NDC1: variants seen among roughly 807,000 people sequenced by gnomAD.
NDC1 encodes the protein NDC1 transmembrane nucleoporin, also known as nucleoporin NDC1.
A neutral mutation model predicts 89.8 loss-of-function variants in NDC1; 24 were observed. That is an observed-to-expected ratio of 0.27 (90% CI 0.19 to 0.38). NDC1 has a LOEUF of 0.38. Ranked by LOEUF, NDC1 falls within the 10% of genes least tolerant of loss-of-function variation. The probability of loss-of-function intolerance (pLI) is 1.00; values close to 1 mark genes in which losing one functional copy is unlikely to be tolerated. For missense variants in NDC1, 728 were observed against 797.6 expected (o/e 0.91, Z 1.05); for synonymous variants, 296 against 284.8 (o/e 1.04, Z -0.39).
At chr1:53,815,118 C>T (rs374942982) in intron 6 of NDC1, among the ~76,000 whole-genome samples, 2 of 152,124 alleles carry the variant, frequency 1.3e-5, no homozygotes, top group Admixed American at 6.6e-5. Context: ...CAGCATCACC[C>T]TAATACCAAA....
rs559394807 is a variant in NDC1 at position 53,767,232 on chromosome 1, C to T, written c.*738G>A. 5.9e-5 allele frequency: 9 copies of T among 152,158 alleles called. No homozygotes were observed. In the South Asian group the frequency reaches 6.2e-4, roughly 11 times the overall value. The allele number at this position is 152,158 out of a possible 1,614,324, so 9.4% of individuals were successfully genotyped here. ...AAAACTAGCTGGGAAAATACCCATA[C>T]ATTAATACTTCGTGTTTACTAGCAT... On this transcript the variant is annotated 3_prime_UTR_variant, in exon 18 of 18. Transcript: ENST00000371429.
At chr1:53,781,638 C>A (rs1647208273) in intron 16 of NDC1, among the ~76,000 whole-genome samples, 1 of 152,208 alleles carries the variant, frequency 6.6e-6, no homozygotes. Flanking sequence ...CAGTTCCACA[C>A]AATTGTTCCT....
intron 1 of NDC1, among the ~76,000 whole-genome samples, chr1:53,836,761 C>T (rs1649247668): frequency 6.6e-6 from 1 of 151,424 alleles, no homozygotes; most frequent in Non-Finnish European, 1.5e-5. Context: ...TGAGCCACAG[C>T]GCCCAGCCTC....
In NDC1 at chr1:53,797,161, C is replaced by A; in HGVS notation, c.1223-17G>T. 1 of 1,611,568 alleles carries A rather than the reference C, an allele frequency of 6.2e-7. No individual in the cohort carries two copies. Among genetic ancestry groups the A allele is most frequent in the Non-Finnish European group, 8.5e-7 (1 of 1,178,242 alleles). ...CAGTTTCTTCTGTAAAACAACAGAT[C>A]CAGTGCTGAAGAGGCAACCTGATCC... is the stretch of plus-strand genomic sequence containing the variant. On this transcript the variant is annotated splice_polypyrimidine_tract_variant and intron_variant, in intron 11 of 17. Transcript: ENST00000371429.
At chr1:53,804,952 T>A (rs779255149) in intron 9 of NDC1, among the ~76,000 whole-genome samples, 2 of 152,198 alleles carry the variant, frequency 1.3e-5, no homozygotes, top group Non-Finnish European at 2.9e-5. Context: ...CGTCTGTATT[T>A]TCTACTAGGC....
intron 17 of NDC1, among the ~76,000 whole-genome samples, chr1:53,771,563 G>A (rs568929045): frequency 2.2e-4 from 34 of 152,230 alleles, no homozygotes; most frequent in African/African-American, 6.5e-4. Context: ...CTAAACACAT[G>A]TAGTTATTAA....
intron 3 of NDC1, among the ~76,000 whole-genome samples, chr1:53,828,740 T>C (rs1648958843): frequency 6.6e-6 from 1 of 152,116 alleles, no homozygotes; most frequent in Non-Finnish European, 1.5e-5. Context: ...GCCTCCCAAG[T>C]AGCTGGGATT....
intron 16 of NDC1, among the ~76,000 whole-genome samples, chr1:53,772,726 C>CATAACATAACAA (rs1294501716): frequency 6.7e-6 from 1 of 149,660 alleles, no homozygotes; most frequent in African/African-American, 2.5e-5. Context: ...CATAACAAAA[C>CATAACATAACAA]AAAACAAACA....
intron 16 of NDC1, among the ~76,000 whole-genome samples, chr1:53,781,108 A>G (rs745979278): frequency 2.4e-4 from 36 of 152,080 alleles, no homozygotes; most frequent in Non-Finnish European, 4.0e-4. Flanking sequence ...CTCCTGCCTC[A>G]GCCTCTCAAA....
intron 4 of NDC1, among the ~76,000 whole-genome samples, chr1:53,827,146 C>T (rs908085512): frequency 6.6e-6 from 1 of 151,884 alleles, no homozygotes; most frequent in Non-Finnish European, 1.5e-5. Flanking sequence ...AAAAAACAAC[C>T]TGCCTTATAT....
chr1:53,811,624 G>T (rs1355210364), intron 6 of NDC1, among the ~76,000 whole-genome samples: 1 of 151,884 alleles, frequency 6.6e-6, no homozygotes, highest in Non-Finnish European at 1.5e-5. Flanking sequence ...ACTGACCCAG[G>T]AGAGTCTGAG....
At position 53,835,583 on chromosome 1, in the gene NDC1, G is replaced by C; in HGVS notation, c.95C>G (p.Ser32Ter). The change falls in exon 2 of 18, where the codon TCA becomes TGA. Residue 32 changes from serine (S) to a stop codon, truncating the protein, a stop_gained. Coordinates refer to ENST00000371429, the MANE Select transcript of NDC1 (RefSeq NM_018087.5). LOFTEE classifies it high-confidence loss of function. ...GWRIVASIVW[S>*]VLFLPICTTV... ...GGTGCAGATGGGTAGAAATAGCACT[G>C]ACCAAACAATACTTGCAACTATCCT... 2 of 1,612,602 alleles carry C rather than the reference G, an allele frequency of 1.2e-6. No individual in the cohort carries two copies. The highest frequency in any genetic ancestry group is 1.7e-6 in the Non-Finnish European group (2 of 1,179,072).
intron 6 of NDC1, among the ~76,000 whole-genome samples, chr1:53,816,728 T>TA (rs922493967): frequency 5.4e-5 from 8 of 149,032 alleles, no homozygotes; most frequent in Non-Finnish European, 1.2e-4. Context: ...GACAAAGGAC[T>TA]AATATCTGGA....
intron 14 of NDC1, among the ~76,000 whole-genome samples, chr1:53,792,029 G>A (rs747904991): frequency 1.3e-5 from 2 of 150,734 alleles, no homozygotes; most frequent in African/African-American, 4.9e-5. Flanking sequence ...TGCAAGCTCC[G>A]CCTCCCGGGT....
intron 4 of NDC1, among the ~76,000 whole-genome samples, chr1:53,826,909 G>A (rs1402533000): frequency 6.6e-6 from 1 of 152,150 alleles, no homozygotes; most frequent in Non-Finnish European, 1.5e-5. Context: ...TTTGTAATAG[G>A]CATTATAATG....
intron 8 of NDC1, 99 bp downstream of exon 8, chr1:53,807,557 G>C: frequency 1.0e-6 from 1 of 956,068 alleles, no homozygotes; most frequent in Non-Finnish European, 1.5e-6. Flanking sequence ...CCAGCTTACG[G>C]AAATGGTTTT....
chr1:53,810,379 C>G (rs1334899632), intron 6 of NDC1, among the ~76,000 whole-genome samples: 2 of 149,560 alleles, frequency 1.3e-5, no homozygotes, highest in African/African-American at 4.9e-5. Flanking sequence ...ATGAAGCGTT[C>G]CATAAAAAAT....
At chr1:53,782,079 CAGAGT>C (rs2100631281) in intron 16 of NDC1, among the ~76,000 whole-genome samples, 1 of 152,096 alleles carries the variant, frequency 6.6e-6, no homozygotes, top group South Asian at 2.1e-4. Context: ...GGGGGAGTTA[CAGAGT>C]AGAGTCAGAC....
chr1:53,773,152 T>C (rs34037846), intron 16 of NDC1, among the ~76,000 whole-genome samples: 4,391 of 150,090 alleles, frequency 0.029, 96 homozygotes, highest in Middle Eastern at 0.045. Flanking sequence ...ATTCACTAAA[T>C]AGTTTATCTT....
Sources: gnomAD v4.1 joint callset for allele counts (sites outside exome capture counted in the v4.1 genomes callset) on GRCh38, gnomAD v4.1.1 for gene constraint, MANE v1.5 for transcripts, NCBI Gene and HGNC (gene_info 2026-07-23, HGNC 2026-07-21) for gene names.